The following ZCWPW1 variants were observed in gnomAD, a reference collection of about 807,000 sequenced individuals.
ZCWPW1 encodes zinc finger CW-type and PWWP domain containing 1, also known as zinc finger CW-type PWWP domain protein 1.
In ZCWPW1, 56 loss-of-function variants were observed where a neutral mutation model predicts 81.3. The ratio of observed to expected loss-of-function variants is 0.69; its 90% CI spans 0.56 to 0.86. The LOEUF (loss-of-function observed/expected upper bound fraction) is 0.86. Ranked by LOEUF, ZCWPW1 falls within the 40% of genes least tolerant of loss-of-function variation. ZCWPW1 has a pLI of 0.00. For missense variants in ZCWPW1, 650 were observed against 769.8 expected, an observed-to-expected ratio of 0.84 and a Z score of 1.84; for synonymous variants, 250 against 273.7, an observed-to-expected ratio of 0.91 and a Z score of 0.86.
chr7:100,403,791 A>G lies in ZCWPW1; in HGVS notation c.1322-6T>C. On this transcript the variant is annotated splice_polypyrimidine_tract_variant and splice_region_variant and intron_variant, in intron 14 of 17. Transcript: ENST00000684423. ...CAAACCAGAGAGCTGTAAGTCTAGAACAGGAAAAGGAAGGAAAGGCTAAAT... is the reference window on the plus strand; with the variant it reads ...CAAACCAGAGAGCTGTAAGTCTAGAGCAGGAAAAGGAAGGAAAGGCTAAAT... 6.2e-7 allele frequency: 1 copy of G among 1,613,346 alleles called. No homozygotes were observed. Among genetic ancestry groups the G allele is most frequent in the Non-Finnish European group, 8.5e-7 (1 of 1,179,468 alleles).
intron 13 of ZCWPW1, among the ~76,000 whole-genome samples, chr7:100,404,570 G>C (rs1792591524): frequency 6.6e-6 from 1 of 151,964 alleles, no homozygotes; most frequent in Non-Finnish European, 1.5e-5. Flanking sequence ...GTGTTGCCTA[G>C]GCTGGTCTTG....
At position 100,402,061 on chromosome 7, in the gene ZCWPW1, GT is replaced by G; in HGVS notation, c.1475-21del. ...CAAGCCCTAGCCGTGAGGGAAATGC[GT>G]TTATTTCTCTCTAAACGACAACTCG... On this transcript the variant is annotated intron_variant, in intron 16 of 17. Coordinates refer to ENST00000684423, the MANE Select transcript of ZCWPW1 (RefSeq NM_001386010.1). 1 of 1,590,424 alleles carries G rather than the reference GT, an allele frequency of 6.3e-7. No individual in the cohort carries two copies. Among genetic ancestry groups the G allele is most frequent in the Non-Finnish European group, 8.6e-7 (1 of 1,167,566 alleles).
rs773966084 is a variant in ZCWPW1, at chr7:100,404,258, G to C, written c.1255-14C>G. On this transcript the variant is annotated splice_polypyrimidine_tract_variant and intron_variant, in intron 13 of 17. Coordinates refer to ENST00000684423, the MANE Select transcript of ZCWPW1 (RefSeq NM_001386010.1). ...GTTAACCCGTTCCTAAGGGAACCAA[G>C]AAACAAAAGCATCATCCACTACCCT... 1 of 1,613,688 alleles carries C rather than the reference G, an allele frequency of 6.2e-7. No homozygotes were observed. Among genetic ancestry groups the C allele is most frequent in the Non-Finnish European group, 8.5e-7 (1 of 1,179,828 alleles).
chr7:100,415,068 C>T lies in ZCWPW1; in HGVS notation c.754+907G>A, dbSNP rs550495215. 3.6e-3 allele frequency among the ~76,000 whole-genome samples: 537 copies of T among 147,736 alleles called. 5 individuals are homozygous for T. The highest frequency in any genetic ancestry group is 0.012 in the African/African-American group (499 of 40,004). Reference sequence around the variant, plus strand: ...AAACAAAAAACCCCTCCCTCAACTCCGTACCCATTTTTTTTTTTTTTTTTT... The same window carrying T: ...AAACAAAAAACCCCTCCCTCAACTCTGTACCCATTTTTTTTTTTTTTTTTT... On this transcript the variant is annotated intron_variant, in intron 8 of 17. Coordinates refer to ENST00000684423, the MANE Select transcript of ZCWPW1 (RefSeq NM_001386010.1).
rs1221518528 is a variant in ZCWPW1, at chr7:100,420,707, G to T, written c.-29-29C>A. On this transcript the variant is annotated intron_variant, in intron 2 of 17. Coordinates refer to ENST00000684423, the MANE Select transcript of ZCWPW1 (RefSeq NM_001386010.1). ...TTAGAAAAAAGAAATTAACTGCTAT[G>T]ACTCTGATTAAACAAGATTTTAAAC... 4.4e-6 allele frequency: 7 copies of T among 1,598,012 alleles called. No homozygotes were observed. The Admixed American group carries it at 6.7e-5, about 15-fold the overall frequency.
chr7:100,420,558 G>T, intron 3 of ZCWPW1, 64 bp downstream of exon 3: 1 of 1,600,146 alleles, frequency 6.2e-7, no homozygotes, highest in South Asian at 1.1e-5. Context: ...TTGGTGGAAA[G>T]GATGTCCAAA....
intron 7 of ZCWPW1, 92 bp downstream of exon 7, chr7:100,416,213 C>G: frequency 1.3e-6 from 2 of 1,588,708 alleles, no homozygotes; most frequent in Non-Finnish European, 1.7e-6. Context: ...AAGTCTTGGG[C>G]TGAAAATTCT....
intron 8 of ZCWPW1, among the ~76,000 whole-genome samples, chr7:100,412,352 C>A (rs144476843): frequency 6.6e-6 from 1 of 152,300 alleles, no homozygotes; most frequent in African/African-American, 2.4e-5. Flanking sequence ...GTACCCAAAC[C>A]TGAATGCTTC....
chr7:100,424,443 C>T (rs1483723394), intron 2 of ZCWPW1, among the ~76,000 whole-genome samples: 1 of 152,018 alleles, frequency 6.6e-6, no homozygotes, highest in African/African-American at 2.4e-5. Flanking sequence ...TAAATGTTGC[C>T]ACTTCAAAAA....
At chr7:100,402,493 C>T (rs1431834318) in intron 16 of ZCWPW1, 23 bp downstream of exon 16, 2 of 1,613,852 alleles carry the variant, frequency 1.2e-6, no homozygotes, top group African/African-American at 2.7e-5. Flanking sequence ...GGGTTGTGCT[C>T]CATTTCCAGC....
intron 16 of ZCWPW1, 199 bp downstream of exon 16, chr7:100,402,317 C>T: frequency 1.2e-6 from 1 of 847,782 alleles, no homozygotes; most frequent in Non-Finnish European, 2.0e-6. Flanking sequence ...AACCTTCCAT[C>T]TTTCACCTCA....
chr7:100,413,979 A>G (rs1352439923), intron 8 of ZCWPW1, among the ~76,000 whole-genome samples: 2 of 152,232 alleles, frequency 1.3e-5, no homozygotes, highest in Non-Finnish European at 2.9e-5. Flanking sequence ...TGGGGTCTGC[A>G]GTACCCCAAA....
rs549115411 is a variant in ZCWPW1 at position 100,404,167 on chromosome 7, A to G, written c.1321+11T>C. ...CATCCTTCTCCAGTCCTCAACCTCC[A>G]TTTATCCTACCTTTTCTTTCCCCAT... is the stretch of plus-strand genomic sequence containing the variant. On this transcript the variant is annotated intron_variant, in intron 14 of 17. Coordinates refer to ENST00000684423, the MANE Select transcript of ZCWPW1 (RefSeq NM_001386010.1). 4 of 1,613,874 alleles carry G rather than the reference A, an allele frequency of 2.5e-6. No homozygotes were observed. The highest frequency in any genetic ancestry group is 2.2e-5 in the East Asian group (1 of 44,886).
Position 100,419,682 on chromosome 7 carries a change from T to C in ZCWPW1, c.230A>G (p.Gln77Arg). 1 of 1,613,890 alleles carries C rather than the reference T, an allele frequency of 6.2e-7. No individual in the cohort carries two copies. Among genetic ancestry groups the C allele is most frequent in the Non-Finnish European group, 8.5e-7 (1 of 1,179,990 alleles). Residue 77 changes from glutamine (Q) to arginine (R), a missense_variant, in exon 4 of 18, where the codon CAG (glutamine) becomes CGG (arginine). Transcript: ENST00000684423. ...GATTTGTGCCTTTCTTTTTTTCTCC[T>C]GTTCCCTGCTTGGAACATTCTTCAT... ...ATMKNVPSRE[Q>R]EKKRKAQINK...
intron 15 of ZCWPW1, 73 bp downstream of exon 15, chr7:100,403,621 T>G: frequency 2.1e-6 from 3 of 1,417,660 alleles, no homozygotes; most frequent in Non-Finnish European, 2.9e-6. Flanking sequence ...TCCAGGAGTT[T>G]GAGACCAGCC....
Position 100,419,101 on chromosome 7 carries a change from C to T in ZCWPW1, c.361+10G>A, listed in dbSNP as rs951417224. ...AACTGAAACCCTTTTTCTCTTACTA[C>T]ATGCCATACCCAAGCACTCCTGAAG... On this transcript the variant is annotated intron_variant, in intron 5 of 17. Coordinates refer to ENST00000684423, the MANE Select transcript of ZCWPW1 (RefSeq NM_001386010.1). 6.2e-7 allele frequency: 1 copy of T among 1,611,430 alleles called. No homozygotes were observed. Among genetic ancestry groups the T allele is most frequent in the Non-Finnish European group, 8.5e-7 (1 of 1,178,426 alleles).
rs909335690 is a variant in ZCWPW1 at position 100,416,951 on chromosome 7, A to C, written c.479+115T>G. The C allele has an allele frequency of 1.2e-5, 11 of 934,982 alleles. No individual in the cohort carries two copies. In the African/African-American group the frequency reaches 1.8e-4, roughly 16 times the overall value. The allele number at this position is 934,982 out of a possible 1,614,324, so 57.9% of individuals were successfully genotyped here. ...ACAGAGCGAGACTCCGTCTCAAAAA[A>C]AAAAAAAAAAAGAAATATGATAAAT... On this transcript the variant is annotated intron_variant, in intron 6 of 17. Transcript: ENST00000684423.
chr7:100,406,557 G>T, intron 12 of ZCWPW1, 137 bp downstream of exon 12: 3 of 783,616 alleles, frequency 3.8e-6, no homozygotes, highest in Non-Finnish European at 4.1e-6. Flanking sequence ...AGTCCTTCAT[G>T]AATTACCTCA....
intron 4 of ZCWPW1, among the ~76,000 whole-genome samples, 193 bp from the exon 5 acceptor site, chr7:100,419,382 T>C (rs1392666072): frequency 6.6e-6 from 1 of 152,058 alleles, no homozygotes; most frequent in African/African-American, 2.4e-5. Context: ...AAGAGAAAAG[T>C]GTATAATGTC....
Sources: allele counts gnomAD v4.1 joint callset (sites outside exome capture counted in the v4.1 genomes callset), GRCh38; gene constraint gnomAD v4.1.1; transcripts MANE v1.5; gene names NCBI Gene and HGNC (gene_info 2026-07-23, HGNC 2026-07-21).